VKORC1L1: variants seen among roughly 807,000 people sequenced by gnomAD.
The protein encoded by VKORC1L1 is vitamin K epoxide reductase complex subunit 1-like protein 1.
In VKORC1L1, 2 loss-of-function variants were observed where a neutral mutation model predicts 18.9. That is an observed-to-expected ratio of 0.11 (90% CI 0.04 to 0.33). VKORC1L1 has a LOEUF of 0.33. VKORC1L1 is among the 10% of genes least tolerant of loss of function. The probability of loss-of-function intolerance (pLI) is 1.00; values close to 1 mark genes in which losing one functional copy is unlikely to be tolerated. For missense variants in VKORC1L1, 123 were observed against 224.1 expected (o/e 0.55, Z 2.88); for synonymous variants, 96 against 100.0 (o/e 0.96, Z 0.24).
chr7:65,945,316 AAG>A (rs1790101371), intron 1 of VKORC1L1, among the ~76,000 whole-genome samples: 1 of 151,846 alleles, frequency 6.6e-6, no homozygotes, highest in Non-Finnish European at 1.5e-5. Flanking sequence ...GGAAGTAAAT[AAG>A]AGTGAAAACA....
chr7:65,922,527 G>C (rs189488190), intron 1 of VKORC1L1, among the ~76,000 whole-genome samples: 1 of 152,096 alleles, frequency 6.6e-6, no homozygotes, highest in South Asian at 2.1e-4. Context: ...CAGGTGATCT[G>C]CCCGCCTCAG....
intron 1 of VKORC1L1, 44 bp downstream of exon 1, chr7:65,873,609 G>T (rs770928982): frequency 1.1e-5 from 16 of 1,447,898 alleles, no homozygotes; most frequent in Non-Finnish European, 1.5e-5. Context: ...CGAGCGGGGC[G>T]AGGGTGGAGT....
chr7:65,930,615 T>C (rs1789842349), intron 1 of VKORC1L1, among the ~76,000 whole-genome samples: 1 of 152,202 alleles, frequency 6.6e-6, no homozygotes, highest in African/African-American at 2.4e-5. Flanking sequence ...TTAGGCATCG[T>C]CCATTTTTGT....
intron 1 of VKORC1L1, among the ~76,000 whole-genome samples, chr7:65,908,923 T>C (rs1789452350): frequency 6.6e-6 from 1 of 151,268 alleles, no homozygotes; most frequent in Admixed American, 6.6e-5. Flanking sequence ...ACATCAGACA[T>C]GTAAAATACA....
chr7:65,949,795 A>G (rs1161032117), intron 2 of VKORC1L1, among the ~76,000 whole-genome samples: 1 of 152,138 alleles, frequency 6.6e-6, no homozygotes, highest in Non-Finnish European at 1.5e-5. Flanking sequence ...AAAACTAATA[A>G]TTTAATGTGA....
At chr7:65,952,778 C>CTTTTTTTTTTTTT (rs11395208) in intron 2 of VKORC1L1, among the ~76,000 whole-genome samples, 11 of 86,606 alleles carry the variant, frequency 1.3e-4, no homozygotes, top group East Asian at 3.9e-4. Flanking sequence ...TTTTTTTTTC[C>CTTTTTTTTTTTTT]TTTTTTTTTT....
chr7:65,924,514 A>G (rs1261277503), intron 1 of VKORC1L1, among the ~76,000 whole-genome samples: 2 of 152,242 alleles, frequency 1.3e-5, no homozygotes, highest in Non-Finnish European at 2.9e-5. Flanking sequence ...CTATAATATT[A>G]TAGTTTGAAA....
intron 1 of VKORC1L1, among the ~76,000 whole-genome samples, chr7:65,910,968 T>G (rs767934552): frequency 7.9e-5 from 12 of 152,218 alleles, no homozygotes; most frequent in Admixed American, 1.3e-4. Flanking sequence ...CCCTTAAATT[T>G]TGATGATTTT....
rs189903543 is a variant in VKORC1L1 at position 65,879,786 on chromosome 7, G to A, written c.194+6221G>A. The stretch of plus-strand genomic sequence containing the variant: ...ATTTTTCCTTCTTCCTTCCTCCTTC[G>A]TTCCTTGCTTCCTTCTTTCCTTTTC... On this transcript the variant is annotated intron_variant, in intron 1 of 2. Coordinates refer to ENST00000360768, the MANE Select transcript of VKORC1L1 (RefSeq NM_173517.6). Among the ~76,000 whole-genome samples the A allele has an allele frequency of 5.6e-4, 69 of 124,036 alleles. 1 individual carries two copies. The highest frequency in any genetic ancestry group is 2.2e-3 in the Admixed American group (23 of 10,390). The allele number at this position is 124,036 out of a possible 152,430, so 81.4% of individuals were successfully genotyped here. A position where few individuals can be genotyped will look rare whatever the true frequency, so the allele number is the denominator to read the frequency against.
At chr7:65,885,055 C>T (rs1343664666) in intron 1 of VKORC1L1, among the ~76,000 whole-genome samples, 1 of 152,042 alleles carries the variant, frequency 6.6e-6, no homozygotes. Context: ...CAGGCATTTC[C>T]CATTCTGATA....
intron 1 of VKORC1L1, among the ~76,000 whole-genome samples, chr7:65,906,283 AG>A (rs1293929942): frequency 6.6e-6 from 1 of 151,654 alleles, no homozygotes; most frequent in African/African-American, 2.4e-5. Context: ...CTGAGGTGGG[AG>A]GATTGCTTGA....
At chr7:65,947,721 G>A (rs903008176) in intron 1 of VKORC1L1, among the ~76,000 whole-genome samples, 1 of 148,314 alleles carries the variant, frequency 6.7e-6, no homozygotes, top group Non-Finnish European at 1.5e-5. Context: ...ATGGAGTTTT[G>A]CTCTTGTTGC....
intron 1 of VKORC1L1, among the ~76,000 whole-genome samples, chr7:65,909,377 C>T (rs1052686715): frequency 1.4e-4 from 22 of 152,026 alleles, no homozygotes; most frequent in Middle Eastern, 3.4e-3. Context: ...ACCGAGATGT[C>T]GTGATGGGAA....
intron 1 of VKORC1L1, among the ~76,000 whole-genome samples, chr7:65,891,707 G>A (rs1353512359): frequency 1.3e-5 from 2 of 151,836 alleles, no homozygotes. Context: ...CATATTTATA[G>A]GGTAGATGTG....
rs890651534 is a variant in VKORC1L1, at chr7:65,948,891, C to T, written c.304+111C>T. The T allele has an allele frequency of 1.6e-5, 21 of 1,325,794 alleles. No individual in the cohort carries two copies. In the African/African-American group the frequency reaches 2.7e-4, roughly 17 times the overall value. 82.1% of individuals were successfully genotyped at this position (1,325,794 alleles called of 1,614,324 possible). A position where few individuals can be genotyped will look rare whatever the true frequency, so the allele number is the denominator to read the frequency against. On this transcript the variant is annotated intron_variant, in intron 2 of 2. Coordinates refer to ENST00000360768, the MANE Select transcript of VKORC1L1 (RefSeq NM_173517.6). Reference sequence around the variant, plus strand: ...CATGTGTTATTTATAGAACCACTAGCGTGTACAACATTTTTGTGTTATGAA... The same window carrying T: ...CATGTGTTATTTATAGAACCACTAGTGTGTACAACATTTTTGTGTTATGAA...
chr7:65,908,470 A>G (rs1789443774), intron 1 of VKORC1L1, among the ~76,000 whole-genome samples: 1 of 152,120 alleles, frequency 6.6e-6, no homozygotes, highest in African/African-American at 2.4e-5. Flanking sequence ...ATCTGTTGAC[A>G]CAAATTCAAA....
intron 1 of VKORC1L1, among the ~76,000 whole-genome samples, chr7:65,890,279 T>C (rs557974256): frequency 9.2e-5 from 14 of 152,118 alleles, no homozygotes; most frequent in South Asian, 2.1e-4. Flanking sequence ...GACAGGCTCC[T>C]GCCACCACGC....
Position 65,878,449 on chromosome 7 carries a change from C to CA in VKORC1L1, c.194+4896dup, listed in dbSNP as rs199511372. Among the ~76,000 whole-genome samples the CA allele has an allele frequency of 4.4e-3, 601 of 137,804 alleles. 7 individuals carry two copies. In the East Asian group the frequency reaches 0.045, roughly 10 times the overall value. 90.4% of individuals were successfully genotyped at this position (137,804 alleles called of 152,430 possible). A position where few individuals can be genotyped will look rare whatever the true frequency, so the allele number is the denominator to read the frequency against. ...GCAATAAGAGGGAAACTCTGTCTTACAAAAAAAAAAAAGAACCTAGAAGTA... is the reference window on the plus strand; with the variant it reads ...GCAATAAGAGGGAAACTCTGTCTTACAAAAAAAAAAAAAGAACCTAGAAGTA... On this transcript the variant is annotated intron_variant, in intron 1 of 2. Coordinates refer to ENST00000360768, the MANE Select transcript of VKORC1L1 (RefSeq NM_173517.6).
intron 1 of VKORC1L1, among the ~76,000 whole-genome samples, chr7:65,902,160 T>G (rs1226811343): frequency 6.6e-6 from 1 of 151,848 alleles, no homozygotes; most frequent in Non-Finnish European, 1.5e-5. Flanking sequence ...ACCAGGAAAA[T>G]GTGATGTAAT....
Sources: allele counts gnomAD v4.1 joint callset (sites outside exome capture counted in the v4.1 genomes callset), GRCh38; gene constraint gnomAD v4.1.1; transcripts MANE v1.5; gene names NCBI Gene and HGNC (gene_info 2026-07-23, HGNC 2026-07-21).